Variants in FGFRL1 observed in about 807,000 individuals in gnomAD.
FGFRL1 encodes the protein fibroblast growth factor receptor-like 1.
FGFRL1 carries 24 observed loss-of-function variants against 36.8 expected under a neutral mutation model. The observed-to-expected ratio is 0.65, with a 90% CI of 0.47 to 0.92. The LOEUF is 0.92. Ranked by LOEUF, FGFRL1 falls within the 40% of genes least tolerant of loss-of-function variation. FGFRL1 has a pLI of 0.00. For synonymous variants in FGFRL1, 422 were observed against 344.1 expected, an observed-to-expected ratio of 1.23 and a Z score of -2.50; for missense variants, 785 against 753.4, an observed-to-expected ratio of 1.04 and a Z score of -0.49.
intron 2 of FGFRL1, among the ~76,000 whole-genome samples, chr4:1,019,131 G>C (rs1490473446): frequency 6.6e-6 from 1 of 152,220 alleles, no homozygotes. Context: ...TGCCTTTGGG[G>C]ACCCTTACCT....
intron 6 of FGFRL1, 106 bp from the exon 7 acceptor site, chr4:1,024,799 C>T: frequency 1.1e-5 from 15 of 1,408,480 alleles, no homozygotes; most frequent in Non-Finnish European, 1.4e-5. Context: ...CGAGGGAGGG[C>T]AGCCCAGGGG....
At chr4:1,013,342 C>T (rs917489166) in intron 2 of FGFRL1, among the ~76,000 whole-genome samples, 3 of 152,238 alleles carry the variant, frequency 2.0e-5, no homozygotes, top group African/African-American at 7.2e-5. Context: ...CTAGGCGGGA[C>T]CTGTGGCCAG....
At chr4:1,013,734 T>A (rs573886408) in intron 2 of FGFRL1, among the ~76,000 whole-genome samples, 1 of 152,270 alleles carries the variant, frequency 6.6e-6, no homozygotes, top group South Asian at 2.1e-4. Context: ...CCAGGGAGGC[T>A]CTGGAGGCCT....
In FGFRL1 at chr4:1,025,142, C is replaced by G; in HGVS notation, c.1310C>G (p.Ala437Gly). The stretch of plus-strand genomic sequence containing the variant: ...GACAAGGACCTTCCCTCGTTGGCCG[C>G]CCTCAGCGCTGGCCCTGGTGTGGGG... ...SGDKDLPSLA[A>G]LSAGPGVGLC... Residue 437 changes from alanine to glycine, a missense_variant, in exon 7 of 7, where the codon GCC (alanine) becomes GGC (glycine). Physicochemically the swap from Ala to Gly is moderately conservative, Grantham distance 60 (BLOSUM62 0). Transcript: ENST00000510644. The G allele has an allele frequency of 6.2e-7, 1 of 1,610,972 alleles. No individual in the cohort carries two copies.
chr4:1,019,979 G>A (rs1373081271), intron 2 of FGFRL1, among the ~76,000 whole-genome samples: 1 of 152,194 alleles, frequency 6.6e-6, no homozygotes, highest in Non-Finnish European at 1.5e-5. Flanking sequence ...TGATGCCTGT[G>A]GGCTCAGAAC....
chr4:1,017,265 C>T (rs1326057148), intron 2 of FGFRL1, among the ~76,000 whole-genome samples: 2 of 147,924 alleles, frequency 1.4e-5, no homozygotes, highest in Non-Finnish European at 1.5e-5. Flanking sequence ...GGCATCCTCA[C>T]TCCACTCTGG....
chr4:1,020,475 C>T (rs1716111299), intron 2 of FGFRL1, among the ~76,000 whole-genome samples: 2 of 151,800 alleles, frequency 1.3e-5, no homozygotes, highest in South Asian at 4.2e-4. Flanking sequence ...CTGCGGTGCC[C>T]CGAGTTTCTG....
chr4:1,020,122 C>T (rs1428198866), intron 2 of FGFRL1, among the ~76,000 whole-genome samples: 2 of 152,240 alleles, frequency 1.3e-5, no homozygotes, highest in African/African-American at 2.4e-5. Context: ...CCCTGAGTGT[C>T]TGAAGACGCC....
chr4:1,016,824 C>G (rs947600181), intron 2 of FGFRL1, among the ~76,000 whole-genome samples: 1 of 152,166 alleles, frequency 6.6e-6, no homozygotes, highest in Admixed American at 6.5e-5. Flanking sequence ...GTGGCGGTCA[C>G]CTGTTCTCTG....
intron 5 of FGFRL1, 83 bp from the exon 6 acceptor site, chr4:1,024,228 G>A (rs1362584009): frequency 2.8e-6 from 4 of 1,434,800 alleles, no homozygotes. Context: ...GTGGTGGGCT[G>A]GGGGTGCTGG....
chr4:1,019,466 C>G (rs993697393), intron 2 of FGFRL1, among the ~76,000 whole-genome samples: 1 of 152,206 alleles, frequency 6.6e-6, no homozygotes, highest in Non-Finnish European at 1.5e-5. Context: ...CCCTTGGTCC[C>G]GGGAGGCCCT....
At chr4:1,019,905 A>C (rs1716082813) in intron 2 of FGFRL1, among the ~76,000 whole-genome samples, 1 of 152,096 alleles carries the variant, frequency 6.6e-6, no homozygotes, top group Non-Finnish European at 1.5e-5. Context: ...GCCTCAGCCC[A>C]CCCTTTGTGT....
intron 2 of FGFRL1, among the ~76,000 whole-genome samples, chr4:1,013,390 C>T (rs1002886050): frequency 3.3e-5 from 5 of 152,252 alleles, no homozygotes; most frequent in Admixed American, 6.5e-5. Flanking sequence ...CAGGATTGTC[C>T]GCGCTGTGTC....
chr4:1,026,725 G>A lies in FGFRL1; in HGVS notation c.*1378G>A, dbSNP rs1716558621. The A allele has an allele frequency of 2.5e-6, 1 of 403,686 alleles. No individual in the cohort carries two copies. Among genetic ancestry groups the A allele is most frequent in the Admixed American group, 3.0e-5 (1 of 33,470 alleles). 25.0% of individuals were successfully genotyped at this position (403,686 alleles called of 1,614,324 possible). A position where few individuals can be genotyped will look rare whatever the true frequency, so the allele number is the denominator to read the frequency against. On this transcript the variant is annotated 3_prime_UTR_variant, in exon 7 of 7. Transcript: ENST00000510644. ...GACTGTGGTCTCTCCTGGGGCCCGG[G>A]ACCCGCCTGGTCTTTCAGCCATGCT...
chr4:1,022,161 C>G lies in FGFRL1; in HGVS notation c.80-42C>G, dbSNP rs950286688. On this transcript the variant is annotated intron_variant, in intron 2 of 6. Transcript: ENST00000510644. Reference sequence around the variant, plus strand: ...TTGACCGCCCCCCCGGCTCCGGACCCCAAGCCCCTCCTCGCTGACTGTTCC... The same window carrying G: ...TTGACCGCCCCCCCGGCTCCGGACCGCAAGCCCCTCCTCGCTGACTGTTCC... The G allele has an allele frequency of 9.5e-6, 14 of 1,470,036 alleles. No individual in the cohort carries two copies. The African/African-American group carries it at 2.0e-4, about 21-fold the overall frequency. 91.1% of individuals were successfully genotyped at this position (1,470,036 alleles called of 1,614,324 possible). A position where few individuals can be genotyped will look rare whatever the true frequency, so the allele number is the denominator to read the frequency against.
chr4:1,013,102 G>C (rs895997558), intron 2 of FGFRL1, among the ~76,000 whole-genome samples: 1 of 152,178 alleles, frequency 6.6e-6, no homozygotes. Context: ...AGGCAGTGCC[G>C]GGCGGTTGTG....
At chr4:1,011,018 G>A (rs1715548256), upstream of FGFRL1, 1 of 152,270 alleles carries the variant, frequency 6.6e-6, no homozygotes, top group Non-Finnish European at 1.5e-5. Flanking sequence ...TGCCTGCATC[G>A]CCGCGGCCGT....
In FGFRL1 at chr4:1,016,049, G is replaced by A. The variant is rs531956588; in HGVS notation, c.79+3485G>A. ...CAGGCCCGGTGCCCTCCTGTCCCCAGCTCTGTCCTTGAGAAGTCCGCCATG... is the reference window on the plus strand; with the variant it reads ...CAGGCCCGGTGCCCTCCTGTCCCCAACTCTGTCCTTGAGAAGTCCGCCATG... On this transcript the variant is annotated intron_variant, in intron 2 of 6. Coordinates refer to ENST00000510644, the MANE Select transcript of FGFRL1 (RefSeq NM_001004356.3). 2.7e-3 allele frequency among the ~76,000 whole-genome samples: 412 copies of A among 152,344 alleles called. 3 individuals are homozygous for A. Among genetic ancestry groups the A allele is most frequent in the Non-Finnish European group, 2.5e-3 (172 of 68,024 alleles).
At chr4:1,012,132 G>GC (rs199614217) in intron 1 of FGFRL1, 178 bp downstream of exon 1, 37 of 156,844 alleles carry the variant, frequency 2.4e-4, no homozygotes, top group East Asian at 1.7e-3. Flanking sequence ...CCCCACGTGG[G>GC]CCCCCCCCAG....
Sources: allele counts gnomAD v4.1 joint callset (sites outside exome capture counted in the v4.1 genomes callset), GRCh38; gene constraint gnomAD v4.1.1; transcripts MANE v1.5; gene names NCBI Gene and HGNC (gene_info 2026-07-23, HGNC 2026-07-21).